LIN52: variants seen among roughly 807,000 people sequenced by gnomAD.
LIN52 encodes the protein lin-52 DREAM MuvB core complex component.
In LIN52, 4 loss-of-function variants were observed where a neutral mutation model predicts 18.5. That is an observed-to-expected ratio of 0.22 (90% CI 0.11 to 0.49). LIN52 has a LOEUF of 0.49. Ranked by LOEUF, LIN52 falls within the 20% of genes least tolerant of loss-of-function variation. The pLI, the probability that LIN52 is intolerant of heterozygous loss-of-function variation, is 0.97. For synonymous variants in LIN52, 34 were observed against 45.5 expected (o/e 0.75, Z 1.02); for missense variants, 102 against 139.5 (o/e 0.73, Z 1.35).
chr14:74,188,955 C>T (rs17098083), intron 5 of LIN52, among the ~76,000 whole-genome samples: 74,562 of 151,910 alleles, frequency 0.49, 18,929 homozygotes, highest in Non-Finnish European at 0.53. Flanking sequence ...CATCCCTAGA[C>T]GTTAGCTGTT....
At chr14:74,091,358 CTTTTTAAAGAGA>C (rs1480973395) in intron 2 of LIN52, 52 bp downstream of exon 2, 2 of 1,204,290 alleles carry the variant, frequency 1.7e-6, no homozygotes, top group Non-Finnish European at 2.4e-6. Flanking sequence ...AACAATGTTC[CTTTTTAAAGAGA>C]TTTTTAAAGA....
intron 5 of LIN52, among the ~76,000 whole-genome samples, chr14:74,164,420 G>A (rs545401104): frequency 1.1e-3 from 172 of 152,080 alleles, no homozygotes; most frequent in African/African-American, 4.0e-3. Flanking sequence ...GAGTAGCTGG[G>A]AGTACAGGCA....
chr14:74,197,402 A>G (rs759618054), intron 5 of LIN52, among the ~76,000 whole-genome samples: 7 of 152,212 alleles, frequency 4.6e-5, no homozygotes, highest in Non-Finnish European at 8.8e-5. Flanking sequence ...TGAACAGGAG[A>G]GCACGTGCTC....
intron 5 of LIN52, among the ~76,000 whole-genome samples, chr14:74,166,414 C>T (rs1462187182): frequency 6.6e-6 from 1 of 151,694 alleles, no homozygotes; most frequent in Non-Finnish European, 1.5e-5. Context: ...GGGGTTTCTC[C>T]GTGTTGGTCA....
chr14:74,198,101 G>A (rs2078926391), intron 5 of LIN52, among the ~76,000 whole-genome samples: 1 of 152,228 alleles, frequency 6.6e-6, no homozygotes, highest in African/African-American at 2.4e-5. Context: ...TGAAAACATG[G>A]CCTTGCAGGA....
intron 4 of LIN52, among the ~76,000 whole-genome samples, chr14:74,100,706 C>T (rs989242841): frequency 5.3e-5 from 8 of 152,164 alleles, no homozygotes; most frequent in African/African-American, 1.9e-4. Flanking sequence ...AAACCCCTGA[C>T]CTCGGGTGAT....
At chr14:74,187,966 A>C (rs957931382) in intron 5 of LIN52, among the ~76,000 whole-genome samples, 1 of 152,228 alleles carries the variant, frequency 6.6e-6, no homozygotes, top group Non-Finnish European at 1.5e-5. Flanking sequence ...TTTACACCTA[A>C]GGTAGATTTA....
At chr14:74,132,749 C>T (rs887654055) in intron 5 of LIN52, among the ~76,000 whole-genome samples, 3 of 152,136 alleles carry the variant, frequency 2.0e-5, no homozygotes, top group South Asian at 2.1e-4. Flanking sequence ...CCTCATGATC[C>T]GCCCGCCTCG....
rs535450637 is a variant in LIN52, at chr14:74,170,226, G to A, written c.284-28696G>A. Among the ~76,000 whole-genome samples, 20 of 152,246 alleles carry A rather than the reference G, an allele frequency of 1.3e-4. No homozygotes were observed. In the South Asian group the frequency reaches 3.7e-3, roughly 28 times the overall value. ...AGCCAGGACCTCACCTGGCCCATTC[G>A]TTATTGTATCCACATTGCCTAGTGC... is the stretch of plus-strand genomic sequence containing the variant. On this transcript the variant is annotated intron_variant, in intron 5 of 5. Coordinates refer to ENST00000555028, the MANE Select transcript of LIN52 (RefSeq NM_001024674.3).
intron 5 of LIN52, among the ~76,000 whole-genome samples, chr14:74,111,657 G>C (rs1013997963): frequency 1.9e-4 from 25 of 134,408 alleles, no homozygotes; most frequent in African/African-American, 6.3e-4. Context: ...TATTTTTGTG[G>C]GCTGACATCA....
intron 5 of LIN52, among the ~76,000 whole-genome samples, chr14:74,115,349 AC>A (rs2060958647): frequency 6.6e-6 from 1 of 152,206 alleles, no homozygotes; most frequent in Admixed American, 6.5e-5. Context: ...GTGAAGGCGA[AC>A]TTTTTTTTTC....
intron 5 of LIN52, among the ~76,000 whole-genome samples, chr14:74,197,112 A>T (rs1204494591): frequency 1.3e-5 from 2 of 152,036 alleles, no homozygotes; most frequent in Non-Finnish European, 2.9e-5. Flanking sequence ...ATTTAAAAAG[A>T]CTCCCATCAT....
chr14:74,085,023 C>T, intron 1 of LIN52, 30 bp downstream of exon 1: 1 of 1,371,214 alleles, frequency 7.3e-7, no homozygotes. Context: ...TCTTTGCCTG[C>T]AGCCTCCTTC....
intron 5 of LIN52, among the ~76,000 whole-genome samples, chr14:74,106,060 G>A (rs1353553333): frequency 6.6e-6 from 1 of 151,898 alleles, no homozygotes; most frequent in Admixed American, 6.6e-5. Flanking sequence ...GCTTGATTTG[G>A]GCAGTTAATT....
chr14:74,085,171 C>T, intron 1 of LIN52, 178 bp downstream of exon 1: 1 of 478,426 alleles, frequency 2.1e-6, no homozygotes, highest in Non-Finnish European at 3.4e-6. Context: ...ACAGCAGCTC[C>T]GGAGGTGCCC....
chr14:74,190,684 G>C (rs550222623), intron 5 of LIN52, among the ~76,000 whole-genome samples: 7 of 152,258 alleles, frequency 4.6e-5, no homozygotes, highest in African/African-American at 7.2e-5. Context: ...GAGCCACCAT[G>C]CCTGGCCACC....
At chr14:74,195,707 T>C (rs534500850) in intron 5 of LIN52, among the ~76,000 whole-genome samples, 1 of 152,316 alleles carries the variant, frequency 6.6e-6, no homozygotes, top group African/African-American at 2.4e-5. Context: ...ATTACCTCTG[T>C]GTCTGATGTC....
chr14:74,190,389 C>CTTTTTTTTTTTTTTTT (rs68037994), intron 5 of LIN52, among the ~76,000 whole-genome samples: 4 of 106,306 alleles, frequency 3.8e-5, no homozygotes, highest in East Asian at 6.8e-4. Context: ...GCCTAAATAA[C>CTTTTTTTTTTTTTTTT]TTTTTTTTTT....
At chr14:74,093,146 T>G (rs1046319560) in intron 2 of LIN52, among the ~76,000 whole-genome samples, 8 of 151,324 alleles carry the variant, frequency 5.3e-5, no homozygotes, top group Admixed American at 2.0e-4. Context: ...CAGACGGCTT[T>G]TCACCAAGTA....
Sources: allele counts gnomAD v4.1 joint callset (sites outside exome capture counted in the v4.1 genomes callset), GRCh38; gene constraint gnomAD v4.1.1; transcripts MANE v1.5; gene names NCBI Gene and HGNC (gene_info 2026-07-23, HGNC 2026-07-21).